CHSY3: variants seen among roughly 807,000 people sequenced by gnomAD.
CHSY3 encodes the protein N-acetylgalactosaminyl-proteoglycan 3-beta-glucuronosyltransferase 3.
In CHSY3, 35 loss-of-function variants were observed where a neutral mutation model predicts 67.2. The observed-to-expected ratio is 0.52, with a 90% CI of 0.40 to 0.69. The LOEUF (loss-of-function observed/expected upper bound fraction) is 0.69, where lower values mean the gene tolerates loss of function less well. Among genes scored for constraint, CHSY3 ranks in the 30% least tolerant of loss-of-function variants. The probability of loss-of-function intolerance (pLI) is 0.00; values close to 1 mark genes in which losing one functional copy is unlikely to be tolerated. For synonymous variants in CHSY3, 474 were observed against 434.7 expected (o/e 1.09, Z -1.12); for missense variants, 1,069 against 1,138.5 (o/e 0.94, Z 0.88).
chr5:130,150,741 A>T (rs550605016), intron 2 of CHSY3, among the ~76,000 whole-genome samples: 2 of 152,312 alleles, frequency 1.3e-5, no homozygotes, highest in South Asian at 4.1e-4. Flanking sequence ...CTAATGAAGG[A>T]CACATTCAAA....
intron 2 of CHSY3, among the ~76,000 whole-genome samples, chr5:129,918,454 T>G (rs369892463): frequency 6.6e-6 from 1 of 152,262 alleles, no homozygotes; most frequent in South Asian, 2.1e-4. Context: ...AATGGGTAAT[T>G]TTGATTCTAT....
chr5:130,026,717 TATC>T (rs1293873055), intron 2 of CHSY3, among the ~76,000 whole-genome samples: 3 of 152,154 alleles, frequency 2.0e-5, no homozygotes, highest in Non-Finnish European at 2.9e-5. Context: ...TAAAACAAAT[TATC>T]ATAAAAATTT....
intron 2 of CHSY3, among the ~76,000 whole-genome samples, chr5:130,107,830 A>G (rs1767460698): frequency 1.3e-5 from 2 of 151,516 alleles, no homozygotes; most frequent in South Asian, 4.1e-4. Flanking sequence ...CCCCACAATC[A>G]CTCAAATCAG....
At chr5:130,068,117 T>G (rs139486430) in intron 2 of CHSY3, among the ~76,000 whole-genome samples, 37 of 152,304 alleles carry the variant, frequency 2.4e-4, no homozygotes, top group Admixed American at 1.3e-3. Context: ...ATATTGAATT[T>G]AATTTCATTT....
rs182249962 is a variant in CHSY3 at position 130,178,741 on chromosome 5, G to A, written c.1087-5488G>A. Among the ~76,000 whole-genome samples, 657 of 152,210 alleles carry A rather than the reference G, an allele frequency of 4.3e-3. 1 individual carries two copies. Among genetic ancestry groups the A allele is most frequent in the Middle Eastern group, 6.8e-3 (2 of 294 alleles). On this transcript the variant is annotated intron_variant, in intron 2 of 2. Coordinates refer to ENST00000305031, the MANE Select transcript of CHSY3 (RefSeq NM_175856.5). Reference sequence around the variant, plus strand: ...TGAGAAACGTTGAAAAAGTGACTTGGTTTTGTCAACAATGACAAGGATATC... The same window carrying A: ...TGAGAAACGTTGAAAAAGTGACTTGATTTTGTCAACAATGACAAGGATATC...
intron 2 of CHSY3, among the ~76,000 whole-genome samples, chr5:129,987,790 G>C (rs1422660393): frequency 6.6e-6 from 1 of 152,098 alleles, no homozygotes; most frequent in East Asian, 1.9e-4. Flanking sequence ...TAAATATCTT[G>C]AGAAGAAGCA....
At chr5:130,094,458 A>G (rs142965882) in intron 2 of CHSY3, among the ~76,000 whole-genome samples, 6 of 152,254 alleles carry the variant, frequency 3.9e-5, no homozygotes, top group Admixed American at 2.6e-4. Flanking sequence ...AAAATGCGCT[A>G]TTTAATTCTA....
Position 129,921,918 on chromosome 5 carries a change from G to C in CHSY3, c.1086+13558G>C, listed in dbSNP as rs557588740. Among the ~76,000 whole-genome samples, 6 of 151,898 alleles carry C rather than the reference G, an allele frequency of 4.0e-5. No homozygotes were observed. In the East Asian group the frequency reaches 1.2e-3, roughly 29 times the overall value. On this transcript the variant is annotated intron_variant, in intron 2 of 2. Coordinates refer to ENST00000305031, the MANE Select transcript of CHSY3 (RefSeq NM_175856.5). The stretch of plus-strand genomic sequence containing the variant: ...TTTTCATCTATAGTCACCCTATTGT[G>C]CTACCAAATACTAGATCTTACTCAT...
At chr5:129,911,093 T>C (rs908116693) in intron 2 of CHSY3, among the ~76,000 whole-genome samples, 7 of 151,868 alleles carry the variant, frequency 4.6e-5, no homozygotes, top group Admixed American at 2.0e-4. Context: ...GTGTTCATGA[T>C]AGAATGTCAT....
rs371153124 is a variant in CHSY3, at chr5:130,129,769, T to C, written c.1087-54460T>C. Among the ~76,000 whole-genome samples, 17 of 152,258 alleles carry C rather than the reference T, an allele frequency of 1.1e-4. No individual in the cohort carries two copies. The South Asian group carries it at 2.9e-3, about 26-fold the overall frequency. On this transcript the variant is annotated intron_variant, in intron 2 of 2. Coordinates refer to ENST00000305031, the MANE Select transcript of CHSY3 (RefSeq NM_175856.5). The stretch of plus-strand genomic sequence containing the variant: ...TGTGTTCTTGTAGGAAGCTGCAGAC[T>C]TGAAGTCTCATTCTCCTTATCAGTA...
At chr5:130,078,215 G>A (rs1029660892) in intron 2 of CHSY3, among the ~76,000 whole-genome samples, 3 of 152,074 alleles carry the variant, frequency 2.0e-5, no homozygotes, top group Non-Finnish European at 2.9e-5. Flanking sequence ...TTACCTGGCA[G>A]TATCTGTGTT....
chr5:129,922,198 G>T (rs891243668), intron 2 of CHSY3, among the ~76,000 whole-genome samples: 3 of 152,174 alleles, frequency 2.0e-5, no homozygotes, highest in Non-Finnish European at 2.9e-5. Flanking sequence ...GTACTCCATT[G>T]CATACATGTA....
At chr5:129,924,774 G>T (rs552441618) in intron 2 of CHSY3, among the ~76,000 whole-genome samples, 1 of 151,790 alleles carries the variant, frequency 6.6e-6, no homozygotes, top group East Asian at 1.9e-4. Context: ...ATTGTTTTAA[G>T]AGAAGTGCAT....
At position 130,014,681 on chromosome 5, in the gene CHSY3, A is replaced by T. The variant is rs989526408; in HGVS notation, c.1086+106321A>T. On this transcript the variant is annotated intron_variant, in intron 2 of 2. Transcript: ENST00000305031. The stretch of plus-strand genomic sequence containing the variant: ...ATTTGGGTTGGGGCAAAGCCAGACC[A>T]TATCAACCATATATAAAAATTAACT... Among the ~76,000 whole-genome samples the T allele has an allele frequency of 2.6e-5, 4 of 152,212 alleles. No individual in the cohort carries two copies. In the South Asian group the frequency reaches 8.3e-4, roughly 32 times the overall value.
At chr5:129,920,792 A>G (rs1760896183) in intron 2 of CHSY3, among the ~76,000 whole-genome samples, 1 of 151,662 alleles carries the variant, frequency 6.6e-6, no homozygotes, top group African/African-American at 2.4e-5. Context: ...CTTACATTAG[A>G]CCTTAGCAAC....
At chr5:130,098,572 G>A (rs554026153) in intron 2 of CHSY3, among the ~76,000 whole-genome samples, 1 of 152,192 alleles carries the variant, frequency 6.6e-6, no homozygotes, top group Non-Finnish European at 1.5e-5. Context: ...TAATAATAAC[G>A]TTTACCTTAA....
intron 2 of CHSY3, among the ~76,000 whole-genome samples, chr5:130,091,132 A>ACACACG (rs1256894841): frequency 0.012 from 1,383 of 116,588 alleles, 25 homozygotes; most frequent in African/African-American, 0.047. Flanking sequence ...ACACACACAC[A>ACACACG]CACGCACACG....
intron 2 of CHSY3, among the ~76,000 whole-genome samples, chr5:130,127,511 CA>C (rs1768333160): frequency 6.6e-6 from 1 of 152,136 alleles, no homozygotes; most frequent in African/African-American, 2.4e-5. Context: ...TTAATAATAC[CA>C]TAAACGTTCT....
At chr5:129,916,477 A>C (rs1173587188) in intron 2 of CHSY3, among the ~76,000 whole-genome samples, 1 of 152,208 alleles carries the variant, frequency 6.6e-6, no homozygotes, top group East Asian at 1.9e-4. Context: ...ATAATAATTT[A>C]ATTTTAAGGT....
Sources: gnomAD v4.1 joint callset for allele counts (sites outside exome capture counted in the v4.1 genomes callset) on GRCh38, gnomAD v4.1.1 for gene constraint, MANE v1.5 for transcripts, NCBI Gene and HGNC (gene_info 2026-07-23, HGNC 2026-07-21) for gene names.